The following SLCO6A1 variants were observed in gnomAD, a reference collection of about 807,000 sequenced individuals.
SLCO6A1 encodes solute carrier organic anion transporter family member 6A1, also known as cancer/testis antigen 48.
Under a neutral mutation model 72.7 loss-of-function variants are expected in SLCO6A1, and 65 were observed. The observed-to-expected ratio is 0.89, with a 90% CI of 0.73 to 1.10. The LOEUF is 1.10. Ranked by LOEUF, SLCO6A1 falls within the 50% of genes least tolerant of loss-of-function variation. SLCO6A1 has a pLI of 0.00. For missense variants in SLCO6A1, 874 were observed against 872.6 expected (o/e 1.00, Z -0.02); for synonymous variants, 314 against 298.2 (o/e 1.05, Z -0.55).
intron 11 of SLCO6A1, among the ~76,000 whole-genome samples, chr5:102,389,992 A>T (rs1746661273): frequency 6.6e-6 from 1 of 151,814 alleles, no homozygotes; most frequent in Non-Finnish European, 1.5e-5. Flanking sequence ...CTCCCTCCTC[A>T]CTCAGCCTCC....
At chr5:102,387,356 G>A (rs1746473347) in intron 12 of SLCO6A1, among the ~76,000 whole-genome samples, 1 of 152,030 alleles carries the variant, frequency 6.6e-6, no homozygotes, top group South Asian at 2.1e-4. Flanking sequence ...CCTTTCAATA[G>A]CTCCCTACTG....
chr5:102,431,954 T>C (rs1749243392), intron 7 of SLCO6A1, among the ~76,000 whole-genome samples: 1 of 152,212 alleles, frequency 6.6e-6, no homozygotes, highest in Admixed American at 6.5e-5. Flanking sequence ...AGTTAGGTCT[T>C]CTTGTTGAAT....
chr5:102,414,956 G>A (rs935630343), intron 8 of SLCO6A1, among the ~76,000 whole-genome samples: 1 of 151,540 alleles, frequency 6.6e-6, no homozygotes, highest in Non-Finnish European at 1.5e-5. Flanking sequence ...AATAAGGCAA[G>A]CTTGTTTACA....
chr5:102,472,828 T>C (rs1190241619), intron 4 of SLCO6A1, among the ~76,000 whole-genome samples: 2 of 151,920 alleles, frequency 1.3e-5, no homozygotes, highest in Non-Finnish European at 2.9e-5. Flanking sequence ...GTAAGAAGAA[T>C]CACAAGAAAC....
Position 102,458,483 on chromosome 5 carries a change from G to T in SLCO6A1, c.1030C>A (p.Arg344=), listed in dbSNP as rs201578882. The change falls in exon 6 of 14, where the codon CGG becomes AGG. Residue 344 remains arginine, a synonymous_variant. Coordinates refer to ENST00000506729, the MANE Select transcript of SLCO6A1 (RefSeq NM_173488.5). ...TGTTTACGTTTCCTAGCTTTTATCC[G>T]TGTTGAACCTATATATAAACAAGTA... is the stretch of plus-strand genomic sequence containing the variant. ...CFPNNMPGST[R]IKARKRKQLH... 1 of 1,609,282 alleles carries T rather than the reference G, an allele frequency of 6.2e-7. No homozygotes were observed.
chr5:102,484,808 A>G lies in SLCO6A1; in HGVS notation c.359-4374T>C, dbSNP rs550921074. On this transcript the variant is annotated intron_variant, in intron 1 of 13. Coordinates refer to ENST00000506729, the MANE Select transcript of SLCO6A1 (RefSeq NM_173488.5). Reference sequence around the variant, plus strand: ...TTATTAATAAACACATACTTTAACCAGTTTCTTAGCCATACTATCCTTAAT... The same window carrying G: ...TTATTAATAAACACATACTTTAACCGGTTTCTTAGCCATACTATCCTTAAT... Among the ~76,000 whole-genome samples the G allele has an allele frequency of 2.6e-5, 4 of 152,322 alleles. No homozygotes were observed. The South Asian group carries it at 8.3e-4, about 32-fold the overall frequency.
intron 4 of SLCO6A1, among the ~76,000 whole-genome samples, chr5:102,464,998 G>GA (rs950675305): frequency 1.0e-4 from 15 of 148,786 alleles, no homozygotes; most frequent in East Asian, 7.8e-4. Context: ...CCCTTTGCTG[G>GA]AAAAAAAAAA....
chr5:102,473,654 G>A (rs1175811589), intron 4 of SLCO6A1, among the ~76,000 whole-genome samples: 1 of 151,940 alleles, frequency 6.6e-6, no homozygotes, highest in East Asian at 1.9e-4. Flanking sequence ...CATCCAAATA[G>A]GAGAGGAAGA....
rs553964989 is a variant in SLCO6A1, at chr5:102,421,735, G to C, written c.1277-1714C>G. Among the ~76,000 whole-genome samples the C allele has an allele frequency of 1.9e-3, 284 of 152,304 alleles. 1 individual carries two copies. Among genetic ancestry groups the C allele is most frequent in the Admixed American group, 7.1e-3 (108 of 15,298 alleles). On this transcript the variant is annotated intron_variant, in intron 7 of 13. Coordinates refer to ENST00000506729, the MANE Select transcript of SLCO6A1 (RefSeq NM_173488.5). ...CATTCCTGCCTGCTGCCTCTGAAGA[G>C]AGCAGCACATCTCCCAGCACAATGC...
intron 2 of SLCO6A1, among the ~76,000 whole-genome samples, chr5:102,479,082 T>C (rs911999667): frequency 2.0e-5 from 3 of 152,156 alleles, no homozygotes; most frequent in African/African-American, 7.2e-5. Context: ...CCTAATCTCA[T>C]GTGGAATTGT....
At chr5:102,416,239 A>G (rs1393305021) in intron 8 of SLCO6A1, among the ~76,000 whole-genome samples, 1 of 152,108 alleles carries the variant, frequency 6.6e-6, no homozygotes, top group East Asian at 1.9e-4. Context: ...TAATATATCA[A>G]AAAGATATCT....
intron 6 of SLCO6A1, among the ~76,000 whole-genome samples, chr5:102,457,759 C>T (rs1201949687): frequency 6.6e-6 from 1 of 152,112 alleles, no homozygotes; most frequent in African/African-American, 2.4e-5. Flanking sequence ...TGGGTATGTA[C>T]CCAAAGGATT....
chr5:102,477,787 AAGAC>A lies in SLCO6A1; in HGVS notation c.687_690del (p.Phe231SerfsTer10). 6.2e-7 allele frequency: 1 copy of A among 1,613,666 alleles called. No individual in the cohort carries two copies. The highest frequency in any genetic ancestry group is 8.5e-7 in the Non-Finnish European group (1 of 1,179,702). On this transcript the variant is annotated frameshift_variant, in exon 3 of 14. Transcript: ENST00000506729. LOFTEE classifies it high-confidence loss of function. Reference sequence around the variant, plus strand: ...TGCACAGTCTGCCCAAGGATGAAGAAAGACAGGTATTTTGATTGGAATGATATAC... The same window carrying A: ...TGCACAGTCTGCCCAAGGATGAAGAAAGGTATTTTGATTGGAATGATATAC...
At chr5:102,462,639 G>T (rs1751097683) in intron 4 of SLCO6A1, among the ~76,000 whole-genome samples, 2 of 152,126 alleles carry the variant, frequency 1.3e-5, no homozygotes, top group African/African-American at 4.8e-5. Context: ...ATCGGGGAAA[G>T]GACGTCCTAT....
intron 12 of SLCO6A1, among the ~76,000 whole-genome samples, chr5:102,386,495 G>C (rs577597029): frequency 6.6e-6 from 1 of 152,086 alleles, no homozygotes; most frequent in African/African-American, 2.4e-5. Flanking sequence ...TGGAACCTAG[G>C]GCTATGGGGA....
chr5:102,477,769 T>C lies in SLCO6A1; in HGVS notation c.709A>G (p.Thr237Ala). The change falls in exon 3 of 14, where the codon ACT becomes GCT. Residue 237 changes from threonine to alanine, a missense_variant. Transcript: ENST00000506729. Reference sequence around the variant, plus strand: ...GGCATTCCTGCTATTCCCTGCACAGTCTGCCCAAGGATGAAGAAAGACAGG... The same window carrying C: ...GGCATTCCTGCTATTCCCTGCACAGCCTGCCCAAGGATGAAGAAAGACAGG... Reference protein sequence around the residue: ...KYLSFFILGQTVQGIAGMPLY... With the variant: ...KYLSFFILGQAVQGIAGMPLY... 1 of 1,613,780 alleles carries C rather than the reference T, an allele frequency of 6.2e-7. No homozygotes were observed. The highest frequency in any genetic ancestry group is 1.1e-5 in the South Asian group (1 of 91,072).
intron 4 of SLCO6A1, among the ~76,000 whole-genome samples, chr5:102,463,913 A>G (rs972728617): frequency 2.7e-5 from 4 of 147,170 alleles, no homozygotes; most frequent in African/African-American, 9.9e-5. Flanking sequence ...AAAAAAAAAC[A>G]GGAACAAAAT....
Position 102,459,677 on chromosome 5 carries a change from A to C in SLCO6A1, c.1000T>G (p.Cys334Gly), listed in dbSNP as rs1236886905. 5 of 1,594,268 alleles carry C rather than the reference A, an allele frequency of 3.1e-6. No homozygotes were observed. Among genetic ancestry groups the C allele is most frequent in the Non-Finnish European group, 4.3e-6 (5 of 1,174,070 alleles). ...TCACCTGGCATATTGTTTGGAAAGCATGACAATGGTATTAATGTACACCAT... is the reference window on the plus strand; with the variant it reads ...TCACCTGGCATATTGTTTGGAAAGCCTGACAATGGTATTAATGTACACCAT... The part of the protein sequence containing the change: ...VAWCTLIPLS[C>G]FPNNMPGSTR... Residue 334 changes from cysteine to glycine, a missense_variant, in exon 5 of 14, where the codon TGC becomes GGC. By Grantham distance (159) the Cys-to-Gly change is radical (BLOSUM62 -3). Coordinates refer to ENST00000506729, the MANE Select transcript of SLCO6A1 (RefSeq NM_173488.5).
intron 6 of SLCO6A1, among the ~76,000 whole-genome samples, chr5:102,452,845 T>C (rs1750494511): frequency 6.6e-6 from 1 of 152,204 alleles, no homozygotes. Flanking sequence ...TGGTGACATA[T>C]GATTTCTTTG....
Sources: gnomAD v4.1 joint callset for allele counts (sites outside exome capture counted in the v4.1 genomes callset) on GRCh38, gnomAD v4.1.1 for gene constraint, MANE v1.5 for transcripts, NCBI Gene and HGNC (gene_info 2026-07-23, HGNC 2026-07-21) for gene names.